The following KCNJ5 variants were observed in gnomAD, a reference collection of about 807,000 sequenced individuals.
The protein encoded by KCNJ5 is G protein-activated inward rectifier potassium channel 4.
Under a neutral mutation model 20.2 loss-of-function variants are expected in KCNJ5, and 12 were observed. The ratio of observed to expected loss-of-function variants is 0.59; its 90% CI spans 0.38 to 0.96. KCNJ5 has a LOEUF of 0.96. Among genes scored for constraint, KCNJ5 ranks in the 40% least tolerant of loss-of-function variants. The pLI, the probability that KCNJ5 is intolerant of heterozygous loss-of-function variation, is 0.00. For synonymous variants in KCNJ5, 210 were observed against 213.9 expected (o/e 0.98, Z 0.16); for missense variants, 449 against 557.6 (o/e 0.81, Z 1.96).
chr11:128,896,374 AAAC>A (rs770749567), intron 1 of KCNJ5, among the ~76,000 whole-genome samples: 1 of 152,224 alleles, frequency 6.6e-6, no homozygotes, highest in African/African-American at 2.4e-5. Context: ...GCCAATAAGA[AAAC>A]AACATTTCCA....
chr11:128,904,396 A>G (rs772940891), intron 1 of KCNJ5: 43 of 1,612,656 alleles, frequency 2.7e-5, no homozygotes, highest in Non-Finnish European at 3.6e-5. Flanking sequence ...CTCCTTGCGG[A>G]CAGAGAACGC....
intron 2 of KCNJ5, 103 bp from the exon 3 acceptor site, chr11:128,916,306 A>ATGAC: frequency 2.3e-6 from 2 of 873,034 alleles, no homozygotes; most frequent in Admixed American, 1.8e-5. Flanking sequence ...GGATGGATGG[A>ATGAC]TGGATAGATG....
chr11:128,900,949 C>T (rs542142692), intron 1 of KCNJ5: 1 of 152,186 alleles, frequency 6.6e-6, no homozygotes, highest in Non-Finnish European at 1.5e-5. Flanking sequence ...GGGCCAAGTA[C>T]ATTATACCAG....
rs557150801 is a variant in KCNJ5, at chr11:128,909,361, C to T, written c.-10-1903C>T. ...CAGGGGAATTCCTGCAAGGGACTGC[C>T]CAAACCATCCCCAAATGGGGTCAGT... On this transcript the variant is annotated intron_variant, in intron 1 of 2. Transcript: ENST00000529694. Among the ~76,000 whole-genome samples the T allele has an allele frequency of 5.3e-5, 8 of 152,290 alleles. No homozygotes were observed. The South Asian group carries it at 1.4e-3, about 28-fold the overall frequency.
In KCNJ5 at chr11:128,911,452, G is replaced by A; in HGVS notation, c.179G>A (p.Cys60Tyr). 6.2e-7 allele frequency: 1 copy of A among 1,614,252 alleles called. No individual in the cohort carries two copies. Among genetic ancestry groups the A allele is most frequent in the Non-Finnish European group, 8.5e-7 (1 of 1,180,036 alleles). ...RQRYMEKSGK[C>Y]NVHHGNVQET... ...CGCTACATGGAGAAGAGTGGCAAGTGCAACGTGCACCACGGCAACGTCCAG... is the reference window on the plus strand; with the variant it reads ...CGCTACATGGAGAAGAGTGGCAAGTACAACGTGCACCACGGCAACGTCCAG... Residue 60 changes from cysteine to tyrosine, a missense_variant, in exon 2 of 3, where the codon TGC becomes TAC. By Grantham distance (194) the Cys-to-Tyr change is radical. Around this residue, in one of 5 missense-constraint regions of KCNJ5, gnomAD observed 203 missense variants for 258.0 expected, o/e 0.79. Transcript: ENST00000529694. This position sits in a 1 kb window ranked among gnomAD's most constrained non-coding sequence, Gnocchi z 6.3.
chr11:128,904,465 A>C (rs1477544534), intron 1 of KCNJ5: 1 of 1,613,196 alleles, frequency 6.2e-7, no homozygotes, highest in Non-Finnish European at 8.5e-7. Context: ...TTCTGGGACT[A>C]GGCATCAGCA....
At chr11:128,904,198 T>C (rs999349928) in intron 1 of KCNJ5, among the ~76,000 whole-genome samples, 3 of 152,136 alleles carry the variant, frequency 2.0e-5, no homozygotes, top group African/African-American at 7.2e-5. Flanking sequence ...TACTGTTTGC[T>C]CCCCTGTTCT....
At chr11:128,908,349 A>G (rs562902320) in intron 1 of KCNJ5, among the ~76,000 whole-genome samples, 2 of 152,332 alleles carry the variant, frequency 1.3e-5, no homozygotes, top group Admixed American at 1.3e-4. Flanking sequence ...TTTATAGCAG[A>G]GTAAACTGAG....
intron 1 of KCNJ5, chr11:128,904,593 G>A (rs772039083): frequency 1.2e-6 from 1 of 863,432 alleles, no homozygotes; most frequent in East Asian, 2.4e-5. Flanking sequence ...CAAAACCGCG[G>A]ACTCTGGAAA....
intron 1 of KCNJ5, chr11:128,903,394 A>G: frequency 6.2e-7 from 1 of 1,614,184 alleles, no homozygotes. Context: ...GTGGGTGTAG[A>G]CGGCAGAGCT....
At chr11:128,893,076 G>GA (rs1425338165) in intron 1 of KCNJ5, among the ~76,000 whole-genome samples, 1 of 152,218 alleles carries the variant, frequency 6.6e-6, no homozygotes, top group Non-Finnish European at 1.5e-5. Context: ...TCATCTGGCT[G>GA]AATGAGGCGC....
Position 128,917,044 on chromosome 11 carries a change from T to G in KCNJ5, c.*313T>G. The G allele has an allele frequency of 3.8e-6, 1 of 265,428 alleles. No individual in the cohort carries two copies. The highest frequency in any genetic ancestry group is 7.2e-6 in the Non-Finnish European group (1 of 139,656). 16.4% of individuals were successfully genotyped at this position (265,428 alleles called of 1,614,324 possible). Reference sequence around the variant, plus strand: ...CTGTTCTCTCCATGCCCTGGGTCACTTCCTTTTTTGGGTCTCACAGACCCC... The same window carrying G: ...CTGTTCTCTCCATGCCCTGGGTCACGTCCTTTTTTGGGTCTCACAGACCCC... On this transcript the variant is annotated 3_prime_UTR_variant, in exon 3 of 3. Transcript: ENST00000529694.
At chr11:128,915,275 AG>A (rs1390402182) in intron 2 of KCNJ5, among the ~76,000 whole-genome samples, 1 of 152,246 alleles carries the variant, frequency 6.6e-6, no homozygotes, top group African/African-American at 2.4e-5. Flanking sequence ...AAAATAGCAT[AG>A]GCATGGCACG....
chr11:128,899,807 C>G (rs1944240817), intron 1 of KCNJ5: 1 of 152,164 alleles, frequency 6.6e-6, no homozygotes, highest in African/African-American at 2.4e-5. Flanking sequence ...CTGTGAGATC[C>G]AGGAGGATGC....
chr11:128,915,058 C>A (rs1366869340), intron 2 of KCNJ5, among the ~76,000 whole-genome samples: 10 of 152,234 alleles, frequency 6.6e-5, no homozygotes, highest in Non-Finnish European at 1.5e-5. Flanking sequence ...AGCCTTGGAC[C>A]TGGGTCTGCT....
chr11:128,911,916 C>G lies in KCNJ5; in HGVS notation c.643C>G (p.Leu215Val). ...AGTCATCTCCATGCGGGACGAGAAG[C>G]TGTGCCTCATGTTCCGGGTGGGCGA... is the stretch of plus-strand genomic sequence containing the variant. ...NAVISMRDEK[L>V]CLMFRVGDLR... Residue 215 changes from leucine to valine, a missense_variant, in exon 2 of 3, where the codon CTG becomes GTG. By Grantham distance (32) the Leu-to-Val change is conservative (BLOSUM62 1). Transcript: ENST00000529694. This position sits in a 1 kb window ranked among gnomAD's most constrained non-coding sequence, Gnocchi z 6.3. 1 of 1,604,370 alleles carries G rather than the reference C, an allele frequency of 6.2e-7. No individual in the cohort carries two copies. The highest frequency in any genetic ancestry group is 1.1e-5 in the South Asian group (1 of 90,136).
intron 2 of KCNJ5, among the ~76,000 whole-genome samples, chr11:128,915,478 T>C (rs748287117): frequency 2.0e-5 from 3 of 152,234 alleles, no homozygotes; most frequent in South Asian, 2.1e-4. Flanking sequence ...TGTTCATTCA[T>C]GCTGAATTTA....
intron 2 of KCNJ5, among the ~76,000 whole-genome samples, chr11:128,914,919 C>T (rs186544961): frequency 7.0e-4 from 107 of 152,068 alleles, no homozygotes; most frequent in Non-Finnish European, 1.2e-3. Flanking sequence ...CCGGTTTGGG[C>T]CTCTCTGCCA....
At chr11:128,916,100 A>G (rs1198223435) in intron 2 of KCNJ5, among the ~76,000 whole-genome samples, 994 of 87,880 alleles carry the variant, frequency 0.011, 15 homozygotes, top group South Asian at 0.11. Context: ...ATGGATAGAT[A>G]ATTGGATGGA....
Sources: gnomAD v4.1 joint callset for allele counts (sites outside exome capture counted in the v4.1 genomes callset) on GRCh38, gnomAD v4.1.1 for gene constraint, gnomAD v4.1.1 regional missense constraint, Gnocchi (gnomAD v3.1) non-coding constraint, MANE v1.5 for transcripts, NCBI Gene and HGNC (gene_info 2026-07-23, HGNC 2026-07-21) for gene names.